PPP2R2C: variants seen among roughly 807,000 people sequenced by gnomAD.
PPP2R2C encodes protein phosphatase 2 regulatory subunit Bgamma, also known as protein phosphatase 2, regulatory subunit B, gamma.
In PPP2R2C, 10 loss-of-function variants were observed where a neutral mutation model predicts 45.3. That is an observed-to-expected ratio of 0.22 (90% CI 0.14 to 0.37). The LOEUF (loss-of-function observed/expected upper bound fraction) is 0.37. Among genes scored for constraint, PPP2R2C ranks in the 10% least tolerant of loss-of-function variants. The pLI is 1.00. For missense variants in PPP2R2C, 308 were observed against 619.7 expected, an observed-to-expected ratio of 0.50 and a Z score of 5.34; for synonymous variants, 257 against 245.4, an observed-to-expected ratio of 1.05 and a Z score of -0.44.
intron 1 of PPP2R2C, among the ~76,000 whole-genome samples, chr4:6,463,666 A>G (rs1721445801): frequency 2.0e-5 from 3 of 152,212 alleles, no homozygotes; most frequent in Admixed American, 2.0e-4. Context: ...TCAGGGGACA[A>G]GTGTTATGCC....
chr4:6,374,718 G>T (rs115862760), intron 4 of PPP2R2C, among the ~76,000 whole-genome samples: 41 of 152,312 alleles, frequency 2.7e-4, no homozygotes, highest in African/African-American at 9.6e-4. Flanking sequence ...TTTCCTTGGG[G>T]GCTGGGGACA....
At chr4:6,338,855 G>C (rs1166639583) in intron 6 of PPP2R2C, among the ~76,000 whole-genome samples, 1 of 152,154 alleles carries the variant, frequency 6.6e-6, no homozygotes, top group African/African-American at 2.4e-5. Context: ...AGAATGCATC[G>C]TGCTCTGTGT....
intron 8 of PPP2R2C, among the ~76,000 whole-genome samples, chr4:6,325,674 G>A (rs1186932908): frequency 6.6e-6 from 1 of 152,108 alleles, no homozygotes. Context: ...TGGGGGAGAG[G>A]GAGGGGCCCC....
chr4:6,345,859 G>A lies in PPP2R2C; in HGVS notation c.790+1987C>T, dbSNP rs529593177. Reference sequence around the variant, plus strand: ...GGTCTCCAGCCTCCCATCAGTCCACGGCCACTAACTCCACACTTATCTCCA... The same window carrying A: ...GGTCTCCAGCCTCCCATCAGTCCACAGCCACTAACTCCACACTTATCTCCA... On this transcript the variant is annotated intron_variant, in intron 6 of 8. Transcript: ENST00000382599. This position sits in a 1 kb window ranked among gnomAD's most constrained non-coding sequence, Gnocchi z 5.3. Among the ~76,000 whole-genome samples, 3 of 152,138 alleles carry A rather than the reference G, an allele frequency of 2.0e-5. No homozygotes were observed. Among genetic ancestry groups the A allele is most frequent in the South Asian group, 2.1e-4 (1 of 4,804 alleles).
At chr4:6,325,397 G>A (rs763299438) in intron 8 of PPP2R2C, among the ~76,000 whole-genome samples, 2 of 152,146 alleles carry the variant, frequency 1.3e-5, no homozygotes, top group African/African-American at 4.8e-5. Context: ...GAGGGGGGCC[G>A]GGTGAACGAG....
At chr4:6,520,915 G>A (rs1233164490) in intron 2 of PPP2R2C, among the ~76,000 whole-genome samples, 1 of 152,216 alleles carries the variant, frequency 6.6e-6, no homozygotes, top group Non-Finnish European at 1.5e-5. Context: ...GTGGCCGAAT[G>A]GAGACTGATT....
intron 1 of PPP2R2C, among the ~76,000 whole-genome samples, chr4:6,398,672 G>T (rs142871949): frequency 9.9e-5 from 15 of 152,158 alleles, no homozygotes; most frequent in Admixed American, 2.6e-4. Flanking sequence ...ATAGAGCCCC[G>T]TGGGAAACAG....
intron 1 of PPP2R2C, among the ~76,000 whole-genome samples, chr4:6,553,858 C>T (rs866346768): frequency 2.0e-5 from 3 of 151,958 alleles, no homozygotes; most frequent in Non-Finnish European, 4.4e-5. Flanking sequence ...GGAGCAGTCA[C>T]CCCTCATCCC....
chr4:6,335,458 GA>G lies in PPP2R2C; in HGVS notation c.791-1728del, dbSNP rs746527734. 3.3e-5 allele frequency among the ~76,000 whole-genome samples: 5 copies of G among 152,172 alleles called. No homozygotes were observed. In the East Asian group the frequency reaches 7.7e-4, roughly 24 times the overall value. Reference sequence around the variant, plus strand: ...GGACACGCCAAGGGCCGTGCAGGCAGAGAAAGGAGTGAGCAGGGGGAACAGG... The same window carrying G: ...GGACACGCCAAGGGCCGTGCAGGCAGGAAAGGAGTGAGCAGGGGGAACAGG... On this transcript the variant is annotated intron_variant, in intron 6 of 8. Transcript: ENST00000382599.
chr4:6,371,184 A>T (rs1176957555), intron 5 of PPP2R2C, among the ~76,000 whole-genome samples: 2 of 152,218 alleles, frequency 1.3e-5, no homozygotes, highest in Non-Finnish European at 2.9e-5. Flanking sequence ...TGAAGGTGGC[A>T]GTCAGACCCA....
At chr4:6,496,899 A>AAATG (rs1553904306) in intron 2 of PPP2R2C, among the ~76,000 whole-genome samples, 2 of 151,668 alleles carry the variant, frequency 1.3e-5, no homozygotes, top group African/African-American at 4.9e-5. Flanking sequence ...ATAAATAAAT[A>AAATG]AAGTCTGTGA....
chr4:6,554,868 A>AG (rs1478322792), intron 1 of PPP2R2C, among the ~76,000 whole-genome samples: 1 of 149,184 alleles, frequency 6.7e-6, no homozygotes, highest in African/African-American at 2.5e-5. Context: ...TCAAAAAAAA[A>AG]AAAAAGAAAA....
At chr4:6,544,862 C>T (rs1724926187) in intron 1 of PPP2R2C, among the ~76,000 whole-genome samples, 1 of 152,232 alleles carries the variant, frequency 6.6e-6, no homozygotes, top group Non-Finnish European at 1.5e-5. Flanking sequence ...ATGTCCCTGT[C>T]ACTGCACAGT....
chr4:6,341,789 G>A (rs566555498), intron 6 of PPP2R2C, among the ~76,000 whole-genome samples: 4 of 152,112 alleles, frequency 2.6e-5, no homozygotes, highest in Non-Finnish European at 5.9e-5. Context: ...AGTGCAGGCA[G>A]CCTCTAGAAG....
At chr4:6,382,568 G>A in intron 1 of PPP2R2C, 1 of 1,311,942 alleles carries the variant, frequency 7.6e-7, no homozygotes, top group Non-Finnish European at 1.0e-6. Flanking sequence ...CCCAGTCTCA[G>A]GTGATGACAG....
chr4:6,447,574 T>C (rs766188776), intron 1 of PPP2R2C, among the ~76,000 whole-genome samples: 10 of 135,234 alleles, frequency 7.4e-5, no homozygotes, highest in Non-Finnish European at 4.7e-5. Context: ...CTGACCTTTG[T>C]CCTCCTCCTT....
intron 1 of PPP2R2C, among the ~76,000 whole-genome samples, chr4:6,411,509 T>G (rs1375288683): frequency 6.6e-6 from 1 of 152,024 alleles, no homozygotes; most frequent in Non-Finnish European, 1.5e-5. Flanking sequence ...TGGTGCCTCT[T>G]AAGTTCTCTA....
intron 5 of PPP2R2C, among the ~76,000 whole-genome samples, chr4:6,356,310 T>A (rs974283845): frequency 1.3e-5 from 2 of 152,156 alleles, no homozygotes; most frequent in African/African-American, 4.8e-5. Context: ...CTGTAGCTCA[T>A]CCAATCCCCT....
chr4:6,449,963 C>T (rs1403190531), intron 1 of PPP2R2C, among the ~76,000 whole-genome samples: 1 of 152,234 alleles, frequency 6.6e-6, no homozygotes, highest in Non-Finnish European at 1.5e-5. Flanking sequence ...CTCCAGGCTT[C>T]CCCGGGAGCT....
Sources: gnomAD v4.1 joint callset for allele counts (sites outside exome capture counted in the v4.1 genomes callset) on GRCh38, gnomAD v4.1.1 for gene constraint, Gnocchi (gnomAD v3.1) non-coding constraint, MANE v1.5 for transcripts, NCBI Gene and HGNC (gene_info 2026-07-23, HGNC 2026-07-21) for gene names.